The following KIAA0232 variants were observed in gnomAD, a reference collection of about 807,000 sequenced individuals.
KIAA0232 encodes the protein uncharacterized protein KIAA0232.
In KIAA0232, 27 loss-of-function variants were observed where a neutral mutation model predicts 122.0. The ratio of observed to expected loss-of-function variants is 0.22; its 90% CI spans 0.16 to 0.31. The LOEUF is 0.31. Among genes scored for constraint, KIAA0232 ranks in the 10% least tolerant of loss-of-function variants. The pLI is 1.00. For missense variants in KIAA0232, 1,551 were observed against 1,634.2 expected (o/e 0.95, Z 0.88); for synonymous variants, 613 against 587.6 (o/e 1.04, Z -0.63).
In KIAA0232 at chr4:6,855,624, T is replaced by C. The variant is rs1042329063; in HGVS notation, c.370-1540T>C. Among the ~76,000 whole-genome samples, 3 of 152,182 alleles carry C rather than the reference T, an allele frequency of 2.0e-5. No individual in the cohort carries two copies. The highest frequency in any genetic ancestry group is 7.2e-5 in the African/African-American group (3 of 41,440). On this transcript the variant is annotated intron_variant, in intron 4 of 9. Coordinates refer to ENST00000307659, the MANE Select transcript of KIAA0232 (RefSeq NM_014743.3). This position sits in a 1 kb window ranked among gnomAD's most constrained non-coding sequence, Gnocchi z 4.3. ...TATATGTGTGTATATGTAATTAATT[T>C]CTAAGACAAAGCATGAAAAAATACG...
At chr4:6,805,373 A>G (rs1487511147) in intron 2 of KIAA0232, among the ~76,000 whole-genome samples, 1 of 152,212 alleles carries the variant, frequency 6.6e-6, no homozygotes, top group African/African-American at 2.4e-5. Context: ...TAGGATATGA[A>G]TCAGATAATC....
intron 1 of KIAA0232, among the ~76,000 whole-genome samples, chr4:6,784,809 A>C (rs995046227): frequency 6.6e-6 from 1 of 152,088 alleles, no homozygotes; most frequent in African/African-American, 2.4e-5. Context: ...AGTAGAATTC[A>C]AAGTGCAGGT....
intron 1 of KIAA0232, among the ~76,000 whole-genome samples, chr4:6,784,524 A>G (rs908725933): frequency 6.6e-6 from 1 of 152,192 alleles, no homozygotes; most frequent in African/African-American, 2.4e-5. Context: ...CCATTCTTAA[A>G]TAGGTCTCAG....
intron 7 of KIAA0232, among the ~76,000 whole-genome samples, chr4:6,870,045 C>T (rs139055662): frequency 3.0e-3 from 450 of 152,342 alleles, no homozygotes; most frequent in Middle Eastern, 6.8e-3. Context: ...CTCTCTCAGG[C>T]ACAGTGAGGA....
intron 1 of KIAA0232, among the ~76,000 whole-genome samples, chr4:6,786,911 G>A (rs1485645562): frequency 1.3e-5 from 2 of 152,130 alleles, no homozygotes; most frequent in African/African-American, 2.4e-5. Flanking sequence ...GGCCGGGCGC[G>A]GTGGCTCACG....
At chr4:6,816,629 T>G (rs1172110825) in intron 2 of KIAA0232, among the ~76,000 whole-genome samples, 1 of 152,162 alleles carries the variant, frequency 6.6e-6, no homozygotes, top group African/African-American at 2.4e-5. Context: ...TTTAATGCTG[T>G]CTTCATAACA....
At chr4:6,813,856 G>A (rs1464228836) in intron 2 of KIAA0232, among the ~76,000 whole-genome samples, 1 of 152,088 alleles carries the variant, frequency 6.6e-6, no homozygotes, top group Non-Finnish European at 1.5e-5. Context: ...TTTAAACTTA[G>A]TGCAGGGTTT....
At chr4:6,880,751 G>T (rs1241276703) in intron 9 of KIAA0232, 36 bp from the exon 10 acceptor site, 1 of 1,434,320 alleles carries the variant, frequency 7.0e-7, no homozygotes, top group African/African-American at 1.4e-5. Context: ...GGAAAAAAAA[G>T]TCTTTTTGAT....
At chr4:6,836,510 G>A (rs1489607252) in intron 3 of KIAA0232, among the ~76,000 whole-genome samples, 4 of 148,484 alleles carry the variant, frequency 2.7e-5, no homozygotes, top group Non-Finnish European at 6.0e-5. Flanking sequence ...ATTGTATTAA[G>A]GGTTGTTTGT....
At chr4:6,848,987 G>C (rs757083550) in intron 4 of KIAA0232, among the ~76,000 whole-genome samples, 4 of 152,180 alleles carry the variant, frequency 2.6e-5, no homozygotes, top group Non-Finnish European at 5.9e-5. Flanking sequence ...GAGGACACAC[G>C]GGCCATGCTA....
chr4:6,842,905 GT>G (rs1467025946), intron 4 of KIAA0232, among the ~76,000 whole-genome samples: 1 of 152,018 alleles, frequency 6.6e-6, no homozygotes, highest in Non-Finnish European at 1.5e-5. Context: ...TGATTTTTCT[GT>G]TATGCAGTCT....
intron 2 of KIAA0232, among the ~76,000 whole-genome samples, chr4:6,809,186 T>A (rs937918273): frequency 6.6e-6 from 1 of 152,252 alleles, no homozygotes; most frequent in African/African-American, 2.4e-5. Context: ...TCTTTGATAG[T>A]TTGTCTGTGT....
At chr4:6,845,002 C>G (rs1377455632) in intron 4 of KIAA0232, among the ~76,000 whole-genome samples, 1 of 152,240 alleles carries the variant, frequency 6.6e-6, no homozygotes, top group African/African-American at 2.4e-5. Context: ...AACCAAGCTA[C>G]AATCTCTCAT....
intron 1 of KIAA0232, among the ~76,000 whole-genome samples, chr4:6,786,051 T>G (rs1716605932): frequency 6.6e-6 from 1 of 152,150 alleles, no homozygotes; most frequent in Admixed American, 6.5e-5. Context: ...AGTTCTCTAT[T>G]TTTCCTTCAT....
At position 6,824,568 on chromosome 4, in the gene KIAA0232, G is replaced by T. The variant is rs1398003792; in HGVS notation, c.115G>T (p.Val39Leu). 14 of 1,614,230 alleles carry T rather than the reference G, an allele frequency of 8.7e-6. No homozygotes were observed. Among genetic ancestry groups the T allele is most frequent in the Non-Finnish European group, 1.1e-5 (13 of 1,180,038 alleles). The change falls in exon 3 of 10, where the codon GTG becomes TTG. Residue 39 changes from valine to leucine, a missense_variant. Val to Leu is a conservative substitution (Grantham distance 32). Around this residue, in one of 5 missense-constraint regions of KIAA0232, gnomAD observed 26 missense variants for 52.2 expected, o/e 0.50. Transcript: ENST00000307659. The stretch of plus-strand genomic sequence containing the variant: ...GTCTCTGCTTCATGCTTTGGGTCCA[G>T]TGCAGACCTGGCTGGGACAAGAGCT... Reference protein sequence around the residue: ...EMSLLHALGPVQTWLGQELEK... With the variant: ...EMSLLHALGPLQTWLGQELEK...
chr4:6,831,253 A>G lies in KIAA0232; in HGVS notation c.231+6569A>G, dbSNP rs1431103436. On this transcript the variant is annotated intron_variant, in intron 3 of 9. Coordinates refer to ENST00000307659, the MANE Select transcript of KIAA0232 (RefSeq NM_014743.3). ...GTATTTTTAGTGGAGACAGGGTTTC[A>G]CTATGTTGGTCAGGCTGGTCTCGAA... Among the ~76,000 whole-genome samples, 6 of 151,906 alleles carry G rather than the reference A, an allele frequency of 3.9e-5. 1 individual carries two copies.
In KIAA0232 at chr4:6,883,359, T is replaced by G. The variant is rs1722173123; in HGVS notation, c.*2393T>G. ...TGTGGAGTTAACACCAAATAAAAAT[T>G]GTAAAAAACAGTTTGTTGTTTTTAT... On this transcript the variant is annotated 3_prime_UTR_variant, in exon 10 of 10. Coordinates refer to ENST00000307659, the MANE Select transcript of KIAA0232 (RefSeq NM_014743.3). 6.6e-6 allele frequency: 1 copy of G among 152,640 alleles called. No homozygotes were observed. Among genetic ancestry groups the G allele is most frequent in the South Asian group, 2.1e-4 (1 of 4,832 alleles). The allele number at this position is 152,640 out of a possible 1,614,324, so 9.5% of individuals were successfully genotyped here.
intron 4 of KIAA0232, among the ~76,000 whole-genome samples, chr4:6,842,463 A>T (rs1719714639): frequency 6.6e-6 from 1 of 151,948 alleles, no homozygotes; most frequent in East Asian, 1.9e-4. Flanking sequence ...CGACTATTTC[A>T]TCCTGTTATT....
chr4:6,851,532 A>C (rs1720283335), intron 4 of KIAA0232, among the ~76,000 whole-genome samples: 1 of 151,854 alleles, frequency 6.6e-6, no homozygotes, highest in South Asian at 2.1e-4. Context: ...GGGGTTTTGC[A>C]GAAACCACAT....
Sources: allele counts gnomAD v4.1 joint callset (sites outside exome capture counted in the v4.1 genomes callset), GRCh38; gene constraint gnomAD v4.1.1; regional missense constraint gnomAD v4.1.1; non-coding constraint Gnocchi (gnomAD v3.1); transcripts MANE v1.5; gene names NCBI Gene and HGNC (gene_info 2026-07-23, HGNC 2026-07-21).